The following SYT1 variants were observed in gnomAD, a reference collection of about 807,000 sequenced individuals.
SYT1 encodes the protein synaptotagmin 1.
A neutral mutation model predicts 44.8 loss-of-function variants in SYT1; 8 were observed. That is an observed-to-expected ratio of 0.18 (90% CI 0.10 to 0.32). SYT1 has a LOEUF of 0.32. SYT1 is among the 10% of genes least tolerant of loss of function. SYT1 has a pLI of 1.00. For missense variants in SYT1, 286 were observed against 509.3 expected, an observed-to-expected ratio of 0.56 and a Z score of 4.22; for synonymous variants, 154 against 188.8, an observed-to-expected ratio of 0.82 and a Z score of 1.51.
chr12:79,059,398 A>G (rs150022294), intron 3 of SYT1, among the ~76,000 whole-genome samples: 3 of 152,234 alleles, frequency 2.0e-5, no homozygotes, highest in Non-Finnish European at 2.9e-5. Flanking sequence ...TTGTTTACCT[A>G]TATTTTAATT....
intron 4 of SYT1, among the ~76,000 whole-genome samples, chr12:79,232,124 G>C (rs768440820): frequency 3.3e-5 from 5 of 152,178 alleles, no homozygotes; most frequent in African/African-American, 4.8e-5. Context: ...GAGCAGTAAA[G>C]TATTCGTGTA....
intron 4 of SYT1, among the ~76,000 whole-genome samples, chr12:79,242,269 C>T (rs562699209): frequency 2.0e-5 from 3 of 152,284 alleles, no homozygotes; most frequent in East Asian, 1.9e-4. Flanking sequence ...TGTCACCCAC[C>T]GCTCCTGAAG....
In SYT1 at chr12:79,183,600, T is replaced by C. The variant is rs576310359; in HGVS notation, c.-17-33903T>C. ...TAAAGGGTCTATGTGGCTTAATTACTGGGTTCTTTCTTAGAAGAACATACA... is the reference window on the plus strand; with the variant it reads ...TAAAGGGTCTATGTGGCTTAATTACCGGGTTCTTTCTTAGAAGAACATACA... On this transcript the variant is annotated intron_variant, in intron 3 of 10. Coordinates refer to ENST00000261205, the MANE Select transcript of SYT1 (RefSeq NM_005639.3). Among the ~76,000 whole-genome samples the C allele has an allele frequency of 5.9e-5, 9 of 152,144 alleles. No individual in the cohort carries two copies. In the South Asian group the frequency reaches 1.5e-3, roughly 25 times the overall value.
chr12:79,323,762 T>C (rs1881476069), intron 8 of SYT1, among the ~76,000 whole-genome samples: 1 of 151,742 alleles, frequency 6.6e-6, no homozygotes. Flanking sequence ...GGCATACTTA[T>C]ATGGAAAAAT....
intron 3 of SYT1, among the ~76,000 whole-genome samples, chr12:79,136,525 C>A (rs1171049781): frequency 1.3e-5 from 2 of 152,126 alleles, no homozygotes; most frequent in East Asian, 3.9e-4. Flanking sequence ...TTCTAATCTC[C>A]ATTTTTTTGT....
Position 79,082,573 on chromosome 12 carries a change from C to T in SYT1, c.-18+35211C>T, listed in dbSNP as rs376877420. ...AACATATACCTTATAATATGTGTTA[C>T]GAAGAAAATAAGTTGAGCAGTGATG... On this transcript the variant is annotated intron_variant, in intron 3 of 10. Transcript: ENST00000261205. 2.0e-4 allele frequency among the ~76,000 whole-genome samples: 30 copies of T among 152,124 alleles called. No individual in the cohort carries two copies. In the East Asian group the frequency reaches 4.8e-3, roughly 24 times the overall value.
chr12:79,286,317 G>A (rs1879312393), intron 5 of SYT1, among the ~76,000 whole-genome samples: 1 of 152,184 alleles, frequency 6.6e-6, no homozygotes, highest in South Asian at 2.1e-4. Flanking sequence ...AAGTGCCTGA[G>A]TGTTTTGCAT....
intron 4 of SYT1, among the ~76,000 whole-genome samples, chr12:79,265,987 C>G (rs1326160575): frequency 6.6e-6 from 1 of 152,156 alleles, no homozygotes; most frequent in Non-Finnish European, 1.5e-5. Flanking sequence ...TGAACACGTG[C>G]ATACGTTTTC....
chr12:78,984,996 T>A (rs1447447306), intron 2 of SYT1, among the ~76,000 whole-genome samples: 1 of 151,874 alleles, frequency 6.6e-6, no homozygotes, highest in African/African-American at 2.4e-5. Context: ...GAAAGATGCA[T>A]CAAGTGTGGA....
At chr12:79,011,909 A>G (rs1490588333) in intron 2 of SYT1, among the ~76,000 whole-genome samples, 1 of 152,034 alleles carries the variant, frequency 6.6e-6, no homozygotes, top group East Asian at 1.9e-4. Context: ...AGGCGGGTGA[A>G]TCACCTTAGG....
intron 1 of SYT1, among the ~76,000 whole-genome samples, chr12:78,947,863 A>T (rs904990750): frequency 7.9e-5 from 12 of 151,910 alleles, no homozygotes; most frequent in South Asian, 6.2e-4. Context: ...AAGCCAATAT[A>T]AGTCTTTTAT....
At chr12:79,315,437 A>G (rs1417819042) in intron 8 of SYT1, among the ~76,000 whole-genome samples, 1 of 152,080 alleles carries the variant, frequency 6.6e-6, no homozygotes. Flanking sequence ...GTTTGGCCTC[A>G]AACTCCTGGC....
chr12:79,129,778 G>C (rs955565643), intron 3 of SYT1, among the ~76,000 whole-genome samples: 13 of 152,090 alleles, frequency 8.5e-5, no homozygotes, highest in African/African-American at 2.9e-4. Context: ...ATCAGGGTTG[G>C]GGAGGAGGCG....
At chr12:79,430,688 G>A (rs1262282871) in intron 9 of SYT1, among the ~76,000 whole-genome samples, 3 of 152,230 alleles carry the variant, frequency 2.0e-5, no homozygotes, top group African/African-American at 7.2e-5. Flanking sequence ...TTGGGAGGCT[G>A]AGGTGGGAGG....
chr12:79,071,309 T>C (rs1282123913), intron 3 of SYT1, among the ~76,000 whole-genome samples: 1 of 152,170 alleles, frequency 6.6e-6, no homozygotes, highest in African/African-American at 2.4e-5. Context: ...CAGACACTAT[T>C]ATGAGTTCTG....
At chr12:79,301,014 C>T (rs1035632399) in intron 8 of SYT1, among the ~76,000 whole-genome samples, 14 of 151,132 alleles carry the variant, frequency 9.3e-5, no homozygotes, top group African/African-American at 2.9e-4. Flanking sequence ...AAAAAAAATT[C>T]GATCATTCAG....
intron 3 of SYT1, among the ~76,000 whole-genome samples, chr12:79,198,833 A>C (rs1232642258): frequency 6.6e-6 from 1 of 152,178 alleles, no homozygotes; most frequent in East Asian, 1.9e-4. Context: ...GAAATACTTA[A>C]ATTTTAGGAC....
intron 3 of SYT1, among the ~76,000 whole-genome samples, chr12:79,118,617 T>C (rs1879427100): frequency 1.3e-5 from 2 of 152,324 alleles, no homozygotes; most frequent in Middle Eastern, 3.4e-3. Flanking sequence ...ATTTAGTGAA[T>C]GTCAGTGTTG....
At chr12:79,426,816 G>C (rs150858029) in intron 9 of SYT1, among the ~76,000 whole-genome samples, 2,268 of 152,234 alleles carry the variant, frequency 0.015, 27 homozygotes, top group Non-Finnish European at 0.023. Context: ...TTGAATTCCA[G>C]TCCCCATAAT....
Sources: gnomAD v4.1 joint callset for allele counts (sites outside exome capture counted in the v4.1 genomes callset) on GRCh38, gnomAD v4.1.1 for gene constraint, MANE v1.5 for transcripts, NCBI Gene and HGNC (gene_info 2026-07-23, HGNC 2026-07-21) for gene names.